Variants in RAB20 observed in about 807,000 individuals in gnomAD.
RAB20 encodes RAB20, member RAS oncogene family.
Under a neutral mutation model 3.7 loss-of-function variants are expected in RAB20, and 2 were observed. That is an observed-to-expected ratio of 0.54 (90% CI 0.22 to 1.69). The LOEUF is 1.69. Among genes scored for constraint, RAB20 ranks in the 40% most tolerant of loss-of-function variants. The pLI, the probability that RAB20 is intolerant of heterozygous loss-of-function variation, is 0.19. For synonymous variants in RAB20, 126 were observed against 130.8 expected, an observed-to-expected ratio of 0.96 and a Z score of 0.25; for missense variants, 276 against 311.9, an observed-to-expected ratio of 0.88 and a Z score of 0.87.
intron 1 of RAB20, among the ~76,000 whole-genome samples, chr13:110,559,970 G>T (rs1379804431): frequency 6.6e-6 from 1 of 152,164 alleles, no homozygotes; most frequent in Admixed American, 6.5e-5. Flanking sequence ...CTTGCTACTT[G>T]TAAACCAAGG....
At chr13:110,535,032 C>G (rs1485301119) in intron 1 of RAB20, among the ~76,000 whole-genome samples, 2 of 152,026 alleles carry the variant, frequency 1.3e-5, no homozygotes, top group Admixed American at 6.5e-5. Flanking sequence ...TGAGGTCTCA[C>G]TAAGTTGCCC....
Position 110,523,334 on chromosome 13 carries a change from G to A in RAB20, c.*331C>T. ...GGTGCAGGTGCAGACGCAGGCTTCT[G>A]CCTCTGCAAGGGCAAGGGGGCCGTT... On this transcript the variant is annotated 3_prime_UTR_variant, in exon 2 of 2. Coordinates refer to ENST00000267328, the MANE Select transcript of RAB20 (RefSeq NM_017817.3). The A allele has an allele frequency of 2.0e-6, 1 of 501,864 alleles. No homozygotes were observed. The allele number at this position is 501,864 out of a possible 1,614,324, so 31.1% of individuals were successfully genotyped here. A position where few individuals can be genotyped will look rare whatever the true frequency, so the allele number is the denominator to read the frequency against.
intron 1 of RAB20, among the ~76,000 whole-genome samples, chr13:110,556,747 G>A (rs1294968034): frequency 6.6e-6 from 1 of 152,118 alleles, no homozygotes; most frequent in African/African-American, 2.4e-5. Flanking sequence ...GCCCAGGCTG[G>A]TCTTGAACTC....
chr13:110,552,104 C>A (rs542448237), intron 1 of RAB20, among the ~76,000 whole-genome samples: 1 of 151,846 alleles, frequency 6.6e-6, no homozygotes, highest in Non-Finnish European at 1.5e-5. Context: ...ATAAGACGGG[C>A]GCGGTAGCTC....
chr13:110,526,434 T>C (rs370389), intron 1 of RAB20, among the ~76,000 whole-genome samples: 22,065 of 151,926 alleles, frequency 0.15, 2,066 homozygotes, highest in African/African-American at 0.27. Context: ...TTTCTAAAGA[T>C]CACATTTAGG....
intron 1 of RAB20, among the ~76,000 whole-genome samples, chr13:110,528,215 G>A (rs988382306): frequency 1.3e-5 from 2 of 151,612 alleles, no homozygotes; most frequent in Non-Finnish European, 2.9e-5. Context: ...TCGGGAGTTC[G>A]AGACCAGCCT....
At chr13:110,538,372 G>C (rs1884687395) in intron 1 of RAB20, among the ~76,000 whole-genome samples, 1 of 151,754 alleles carries the variant, frequency 6.6e-6, no homozygotes, top group Non-Finnish European at 1.5e-5. Flanking sequence ...TTGGGAGGCA[G>C]AGGAGGGAGG....
chr13:110,527,394 T>C lies in RAB20; in HGVS notation c.173-3197A>G, dbSNP rs560457222. On this transcript the variant is annotated intron_variant, in intron 1 of 1. Coordinates refer to ENST00000267328, the MANE Select transcript of RAB20 (RefSeq NM_017817.3). ...TCCCCCTTCAGCAAAGCCGACAGTG[T>C]GCCCTTTGGGGATGTGGAGGGAAAG... Among the ~76,000 whole-genome samples the C allele has an allele frequency of 3.9e-5, 6 of 152,150 alleles. No individual in the cohort carries two copies. The South Asian group carries it at 1.2e-3, about 32-fold the overall frequency.
rs1884360827 is a variant in RAB20 at position 110,523,238 on chromosome 13, GA to G, written c.*426del. 2 of 411,152 alleles carry G rather than the reference GA, an allele frequency of 4.9e-6. No individual in the cohort carries two copies. Among genetic ancestry groups the G allele is most frequent in the Non-Finnish European group, 8.6e-6 (2 of 233,290 alleles). 25.5% of individuals were successfully genotyped at this position (411,152 alleles called of 1,614,324 possible). A position where few individuals can be genotyped will look rare whatever the true frequency, so the allele number is the denominator to read the frequency against. On this transcript the variant is annotated 3_prime_UTR_variant, in exon 2 of 2. Transcript: ENST00000267328. ...GACCAAAGACAACTCACAGTGAAGA[GA>G]AACGCTTGAGAACAAGAAATGTCAG...
chr13:110,539,550 TTTTTGG>T (rs1242475345), intron 1 of RAB20, among the ~76,000 whole-genome samples: 3 of 111,804 alleles, frequency 2.7e-5, no homozygotes, highest in African/African-American at 8.8e-5. Flanking sequence ...TTTGTTTTTG[TTTTTGG>T]GTTTTTTGTT....
At chr13:110,559,571 G>A (rs1030144135) in intron 1 of RAB20, among the ~76,000 whole-genome samples, 2 of 152,226 alleles carry the variant, frequency 1.3e-5, no homozygotes, top group African/African-American at 4.8e-5. Context: ...AGGAAGTCAG[G>A]AATGTGGAGA....
At chr13:110,557,674 G>A (rs554649200) in intron 1 of RAB20, among the ~76,000 whole-genome samples, 7 of 152,356 alleles carry the variant, frequency 4.6e-5, no homozygotes, top group East Asian at 1.9e-4. Flanking sequence ...CCCCAGAGAC[G>A]CAGCTGGAGC....
At chr13:110,535,614 T>G (rs913666794) in intron 1 of RAB20, among the ~76,000 whole-genome samples, 3 of 152,244 alleles carry the variant, frequency 2.0e-5, no homozygotes, top group Non-Finnish European at 4.4e-5. Context: ...TCTGAGTGCC[T>G]CACAGCTTGG....
At chr13:110,539,827 T>TG (rs1417563826) in intron 1 of RAB20, among the ~76,000 whole-genome samples, 1 of 152,228 alleles carries the variant, frequency 6.6e-6, no homozygotes, top group Non-Finnish European at 1.5e-5. Flanking sequence ...CCCAAGGTGC[T>TG]GGGATTACAG....
Position 110,561,474 on chromosome 13 carries a change from C to G in RAB20, c.46G>C (p.Val16Leu). The part of the protein sequence containing the change: ...SKIVLLGDMN[V>L]GKTSLLQRYM... ...CGCTGCAGCAGCGACGTCTTCCCCA[C>G]GTTCATGTCCCCCAGGAGCACGATC... The change falls in exon 1 of 2, where the codon GTG becomes CTG. Residue 16 changes from valine to leucine, a missense_variant. Transcript: ENST00000267328. The G allele has an allele frequency of 6.2e-7, 1 of 1,600,500 alleles. No homozygotes were observed. The highest frequency in any genetic ancestry group is 1.1e-5 in the South Asian group (1 of 90,352).
At chr13:110,530,424 G>A (rs879522354) in intron 1 of RAB20, among the ~76,000 whole-genome samples, 4 of 55,746 alleles carry the variant, frequency 7.2e-5, no homozygotes, top group Non-Finnish European at 6.9e-5. Context: ...CCACCTCTAC[G>A]CAGACACAGG....
At chr13:110,540,737 C>G (rs1016650430) in intron 1 of RAB20, among the ~76,000 whole-genome samples, 6 of 73,286 alleles carry the variant, frequency 8.2e-5, no homozygotes, top group African/African-American at 3.0e-4. Flanking sequence ...AGTGAAACTC[C>G]GTCTCAAAAA....
Position 110,561,543 on chromosome 13 carries a change from C to T in RAB20, c.-24G>A. On this transcript the variant is annotated 5_prime_UTR_variant, in exon 1 of 2. Transcript: ENST00000267328. ...ATCTTCCCGTAAGAACCCCCAGCGC[C>T]CCCGCGCCCTCTCCCCGAGGCTGGC... is the stretch of plus-strand genomic sequence containing the variant. The T allele has an allele frequency of 6.5e-7, 1 of 1,537,878 alleles. No individual in the cohort carries two copies. The highest frequency in any genetic ancestry group is 8.8e-7 in the Non-Finnish European group (1 of 1,142,406).
intron 1 of RAB20, among the ~76,000 whole-genome samples, chr13:110,542,991 G>A (rs1024357596): frequency 2.0e-5 from 3 of 152,154 alleles, no homozygotes; most frequent in Non-Finnish European, 4.4e-5. Flanking sequence ...CATTCTAACA[G>A]GTGCGACCTG....
Sources: gnomAD v4.1 joint callset for allele counts (sites outside exome capture counted in the v4.1 genomes callset) on GRCh38, gnomAD v4.1.1 for gene constraint, MANE v1.5 for transcripts, NCBI Gene and HGNC (gene_info 2026-07-23, HGNC 2026-07-21) for gene names.